NCAPD2: variants seen among roughly 807,000 people sequenced by gnomAD.
The protein encoded by NCAPD2 is condensin complex subunit 1.
Under a neutral mutation model 164.5 loss-of-function variants are expected in NCAPD2, and 100 were observed. The observed-to-expected ratio is 0.61, with a 90% CI of 0.52 to 0.72. The LOEUF (loss-of-function observed/expected upper bound fraction) is 0.72. Ranked by LOEUF, NCAPD2 falls within the 30% of genes least tolerant of loss-of-function variation. NCAPD2 has a pLI of 0.00. For synonymous variants in NCAPD2, 585 were observed against 642.6 expected, an observed-to-expected ratio of 0.91 and a Z score of 1.36; for missense variants, 1,560 against 1,749.2, an observed-to-expected ratio of 0.89 and a Z score of 1.93.
At chr12:6,527,719 G>T in intron 22 of NCAPD2, 58 bp from the exon 23 acceptor site, 1 of 1,506,482 alleles carries the variant, frequency 6.6e-7, no homozygotes, top group Non-Finnish European at 9.1e-7. Flanking sequence ...CAAAGTATGG[G>T]CTGGAATCAA....
chr12:6,505,355 C>T (rs61918022), intron 2 of NCAPD2, among the ~76,000 whole-genome samples: 25,488 of 152,124 alleles, frequency 0.17, 2,731 homozygotes, highest in Non-Finnish European at 0.24. Context: ...TGTGAGCCAG[C>T]GTGCCCGGTC....
intron 2 of NCAPD2, among the ~76,000 whole-genome samples, chr12:6,504,244 C>CATATATATATA: frequency 1.4e-5 from 1 of 71,644 alleles, no homozygotes; most frequent in African/African-American, 3.9e-5. Context: ...TATATATATA[C>CATATATATATA]CATTGGTCCT....
chr12:6,528,370 C>G lies in NCAPD2; in HGVS notation c.3299+42C>G. On this transcript the variant is annotated intron_variant, in intron 25 of 31. Coordinates refer to ENST00000315579, the MANE Select transcript of NCAPD2 (RefSeq NM_014865.4). This position sits in a 1 kb window ranked among gnomAD's most constrained non-coding sequence, Gnocchi z 5.1. Reference sequence around the variant, plus strand: ...AACGTGGTGGCAGTTCCCAGGAGCCCCGGAGTCTGTTGAGAGTCAGTGTGA... The same window carrying G: ...AACGTGGTGGCAGTTCCCAGGAGCCGCGGAGTCTGTTGAGAGTCAGTGTGA... 6.2e-7 allele frequency: 1 copy of G among 1,611,130 alleles called. No individual in the cohort carries two copies. The highest frequency in any genetic ancestry group is 8.5e-7 in the Non-Finnish European group (1 of 1,178,876).
intron 2 of NCAPD2, among the ~76,000 whole-genome samples, chr12:6,496,369 C>T (rs1052861788): frequency 6.6e-6 from 1 of 152,112 alleles, no homozygotes; most frequent in African/African-American, 2.4e-5. Flanking sequence ...TAGATGGCAG[C>T]TTCTTCCTCT....
At position 6,517,945 on chromosome 12, in the gene NCAPD2, C is replaced by T. The variant is rs779686392; in HGVS notation, c.1575C>T (p.Ala525=). Residue 525 remains alanine (A), a synonymous_variant, in exon 13 of 32, where the codon GCC becomes GCT. Transcript: ENST00000315579. ...AAGGACGCATCTATCAACTGCTTGCCAAAGCTAGTTACAAGTAGGCAAAAG... is the reference window on the plus strand; with the variant it reads ...AAGGACGCATCTATCAACTGCTTGCTAAAGCTAGTTACAAGTAGGCAAAAG... The part of the protein sequence containing the change: ...DVKGRIYQLL[A]KASYKKAIIL... 1 of 1,613,644 alleles carries T rather than the reference C, an allele frequency of 6.2e-7. No homozygotes were observed. Among genetic ancestry groups the T allele is most frequent in the Admixed American group, 1.7e-5 (1 of 60,004 alleles).
At position 6,511,206 on chromosome 12, in the gene NCAPD2, A is replaced by C; in HGVS notation, c.541A>C (p.Ile181Leu). Residue 181 changes from isoleucine (I) to leucine (L), a missense_variant, in exon 6 of 32, where the codon ATC becomes CTC. Coordinates refer to ENST00000315579, the MANE Select transcript of NCAPD2 (RefSeq NM_014865.4). ...QLLTQLLQLD[I>L]RHLWNHSIIE... ...TTTAACACAGCTACTTCAGTTGGAC[A>C]TCCGTCACCTGTGGAACCACTCAAT... The C allele has an allele frequency of 6.2e-7, 1 of 1,614,246 alleles. No homozygotes were observed. Among genetic ancestry groups the C allele is most frequent in the Non-Finnish European group, 8.5e-7 (1 of 1,180,050 alleles).
Position 6,514,375 on chromosome 12 carries a change from G to GT in NCAPD2, c.700dup (p.Tyr234LeufsTer2). The GT allele has an allele frequency of 1.9e-6, 3 of 1,614,134 alleles. No homozygotes were observed. Among genetic ancestry groups the GT allele is most frequent in the Non-Finnish European group, 2.5e-6 (3 of 1,180,026 alleles). ...CACCTGCTTGGTGTAGCCTTGACCC[G>GT]TTATAACCATATGCTCAGTAAGTTA... On this transcript the variant is annotated frameshift_variant, in exon 7 of 32. Transcript: ENST00000315579. LOFTEE classifies it high-confidence loss of function.
Position 6,529,863 on chromosome 12 carries a change from G to T in NCAPD2, c.3742G>T (p.Asp1248Tyr). The T allele has an allele frequency of 6.2e-7, 1 of 1,614,252 alleles. No individual in the cohort carries two copies. Among genetic ancestry groups the T allele is most frequent in the Non-Finnish European group, 8.5e-7 (1 of 1,180,050 alleles). The change falls in exon 29 of 32, where the codon GAC (aspartate) becomes TAC (tyrosine). Residue 1248 changes from aspartate to tyrosine, a missense_variant. Coordinates refer to ENST00000315579, the MANE Select transcript of NCAPD2 (RefSeq NM_014865.4). ...RGLRKMLDNF[D>Y]CFGDKLSDES... ...CCTCCGTAAGATGCTTGACAATTTT[G>T]ACTGTTTTGGAGACAAACTGTCAGA...
chr12:6,525,753 G>C, intron 18 of NCAPD2, 37 bp downstream of exon 18: 1 of 1,605,532 alleles, frequency 6.2e-7, no homozygotes, highest in Non-Finnish European at 8.5e-7. Flanking sequence ...GGGTGGGAGA[G>C]CAAAGGAAGG....
intron 2 of NCAPD2, 96 bp from the exon 3 acceptor site, chr12:6,509,621 C>A: frequency 9.1e-7 from 1 of 1,096,886 alleles, no homozygotes. Context: ...GTGATTCTAC[C>A]AATAAAAGCA....
At chr12:6,520,908 T>C (rs1946257431) in intron 13 of NCAPD2, 78 bp from the exon 14 acceptor site, 6 of 1,592,494 alleles carry the variant, frequency 3.8e-6, no homozygotes, top group Non-Finnish European at 5.1e-6. Context: ...AGGGACTTGA[T>C]AGAATCATGA....
chr12:6,524,316 T>C (rs1306481599), intron 17 of NCAPD2, among the ~76,000 whole-genome samples: 1 of 152,090 alleles, frequency 6.6e-6, no homozygotes, highest in Non-Finnish European at 1.5e-5. Context: ...GTTCACATTG[T>C]AGAACAAAGA....
At chr12:6,506,341 C>G (rs1360977155) in intron 2 of NCAPD2, among the ~76,000 whole-genome samples, 1 of 152,078 alleles carries the variant, frequency 6.6e-6, no homozygotes, top group East Asian at 1.9e-4. Context: ...GTAATCCCAG[C>G]ACTTCAGGAG....
intron 9 of NCAPD2, among the ~76,000 whole-genome samples, chr12:6,516,088 C>G (rs532625530): frequency 6.8e-6 from 1 of 147,630 alleles, no homozygotes; most frequent in Admixed American, 6.8e-5. Flanking sequence ...CCTAGCTACT[C>G]GGGAGGCTGA....
intron 3 of NCAPD2, 86 bp from the exon 4 acceptor site, chr12:6,509,989 T>C: frequency 1.4e-6 from 2 of 1,440,894 alleles, no homozygotes; most frequent in South Asian, 2.3e-5. Context: ...TTTTAAACAT[T>C]CGATTCCACG....
chr12:6,512,700 G>A (rs1946162822), intron 6 of NCAPD2, among the ~76,000 whole-genome samples: 1 of 152,210 alleles, frequency 6.6e-6, no homozygotes, highest in African/African-American at 2.4e-5. Context: ...GGCCATCCTA[G>A]CTGTTGTATT....
chr12:6,499,949 C>T (rs1239569563), intron 2 of NCAPD2, among the ~76,000 whole-genome samples: 1 of 152,072 alleles, frequency 6.6e-6, no homozygotes, highest in South Asian at 2.1e-4. Context: ...GGTGAAACCC[C>T]ATCTCTACCA....
chr12:6,527,536 A>G (rs1450162722), intron 22 of NCAPD2, among the ~76,000 whole-genome samples: 2 of 152,246 alleles, frequency 1.3e-5, no homozygotes, highest in Non-Finnish European at 2.9e-5. Flanking sequence ...ATATATAGGA[A>G]ACGATGTCTT....
Position 6,531,625 on chromosome 12 carries a change from G to T in NCAPD2, c.*213G>T, listed in dbSNP as rs1221078705. The T allele has an allele frequency of 2.3e-6, 2 of 853,948 alleles. No homozygotes were observed. The highest frequency in any genetic ancestry group is 3.1e-5 in the South Asian group (2 of 64,826). 52.9% of individuals were successfully genotyped at this position (853,948 alleles called of 1,614,324 possible). Reference sequence around the variant, plus strand: ...GTTCGAGACCAGCCTGACCAACATGGAGAAACCCCATCTCTACTAAAAATA... The same window carrying T: ...GTTCGAGACCAGCCTGACCAACATGTAGAAACCCCATCTCTACTAAAAATA... On this transcript the variant is annotated 3_prime_UTR_variant, in exon 32 of 32. Transcript: ENST00000315579. The surrounding 1 kb of genome is among the most constrained non-coding windows in gnomAD (Gnocchi z 4.1).
Sources: gnomAD v4.1 joint callset for allele counts (sites outside exome capture counted in the v4.1 genomes callset) on GRCh38, gnomAD v4.1.1 for gene constraint, Gnocchi (gnomAD v3.1) non-coding constraint, MANE v1.5 for transcripts, NCBI Gene and HGNC (gene_info 2026-07-23, HGNC 2026-07-21) for gene names.